ANKS1B: variants seen among roughly 807,000 people sequenced by gnomAD.
The protein encoded by ANKS1B is ankyrin repeat and sterile alpha motif domain containing 1B, also known as ankyrin repeat and sterile alpha motif domain-containing protein 1B.
In ANKS1B, 36 loss-of-function variants were observed where a neutral mutation model predicts 148.3. The ratio of observed to expected loss-of-function variants is 0.24; its 90% confidence interval spans 0.19 to 0.32. The LOEUF (loss-of-function observed/expected upper bound fraction) is 0.32. ANKS1B is among the 10% of genes least tolerant of loss of function. The pLI, the probability that ANKS1B is intolerant of heterozygous loss-of-function variation, is 1.00. For missense variants in ANKS1B, 1,157 were observed against 1,542.6 expected (o/e 0.75, Z 4.19); for synonymous variants, 542 against 560.8 (o/e 0.97, Z 0.47).
At chr12:99,973,038 T>C (rs1052656068) in intron 1 of ANKS1B, among the ~76,000 whole-genome samples, 2 of 152,206 alleles carry the variant, frequency 1.3e-5, no homozygotes, top group Non-Finnish European at 2.9e-5. Flanking sequence ...AGCCCAATGT[T>C]GAGACCTACC....
intron 8 of ANKS1B, among the ~76,000 whole-genome samples, chr12:99,721,475 T>C (rs2058077601): frequency 6.6e-6 from 1 of 152,150 alleles, no homozygotes; most frequent in African/African-American, 2.4e-5. Flanking sequence ...TGACATTGTC[T>C]TGTGAAATTC....
chr12:98,873,765 C>T (rs1286497655), intron 17 of ANKS1B, among the ~76,000 whole-genome samples: 2 of 152,188 alleles, frequency 1.3e-5, no homozygotes, highest in Non-Finnish European at 2.9e-5. Flanking sequence ...AGACAGTCGT[C>T]GTCCTAGAGG....
intron 8 of ANKS1B, among the ~76,000 whole-genome samples, chr12:99,723,352 G>T (rs762995801): frequency 6.6e-6 from 1 of 152,142 alleles, no homozygotes; most frequent in Non-Finnish European, 1.5e-5. Context: ...GGGGTCCCCC[G>T]CAGCACAACA....
At chr12:99,467,746 C>T (rs2096152271) in intron 10 of ANKS1B, among the ~76,000 whole-genome samples, 1 of 152,074 alleles carries the variant, frequency 6.6e-6, no homozygotes, top group Admixed American at 6.5e-5. Context: ...CATGAAGGAC[C>T]TCTTCAAGGA....
intron 12 of ANKS1B, among the ~76,000 whole-genome samples, chr12:99,365,960 T>C (rs2092742638): frequency 6.6e-6 from 1 of 152,262 alleles, no homozygotes; most frequent in Non-Finnish European, 1.5e-5. Context: ...AACAATTTTT[T>C]ACATCCTTTA....
At chr12:99,678,243 A>G (rs545680290) in intron 8 of ANKS1B, among the ~76,000 whole-genome samples, 2 of 152,310 alleles carry the variant, frequency 1.3e-5, no homozygotes, top group East Asian at 3.9e-4. Flanking sequence ...TTACAAAATG[A>G]TACAAATCGT....
At chr12:99,481,321 C>T (rs2096406994) in intron 10 of ANKS1B, among the ~76,000 whole-genome samples, 1 of 151,838 alleles carries the variant, frequency 6.6e-6, no homozygotes, top group South Asian at 2.1e-4. Context: ...GAATAATGGC[C>T]TCTAGCTTCA....
At chr12:99,245,616 C>T (rs1264139171) in intron 13 of ANKS1B, among the ~76,000 whole-genome samples, 1 of 152,216 alleles carries the variant, frequency 6.6e-6, no homozygotes, top group Non-Finnish European at 1.5e-5. Flanking sequence ...TATTGTGCTT[C>T]TAAACCTAAT....
At chr12:99,713,787 G>A (rs1483676045) in intron 8 of ANKS1B, among the ~76,000 whole-genome samples, 2 of 151,988 alleles carry the variant, frequency 1.3e-5, no homozygotes, top group Non-Finnish European at 2.9e-5. Context: ...ATTTCCACTA[G>A]CAATCTGTTC....
In ANKS1B at chr12:99,782,230, T is replaced by C. The variant is rs1293526004; in HGVS notation, c.670-133A>G. 5.5e-6 allele frequency: 4 copies of C among 723,836 alleles called. No individual in the cohort carries two copies. The South Asian group carries it at 5.6e-5, about 10-fold the overall frequency. The allele number at this position is 723,836 out of a possible 1,614,324, so 44.8% of individuals were successfully genotyped here. On this transcript the variant is annotated intron_variant, in intron 4 of 26. Coordinates refer to ENST00000683438, the MANE Select transcript of ANKS1B (RefSeq NM_001352186.2). ...TCAGCTCTCCCTAACAGAAAGGTCA[T>C]GTGGAATAAAGAAGAGATTCTAAAA...
chr12:99,532,180 T>C (rs558997791), intron 9 of ANKS1B, among the ~76,000 whole-genome samples: 1 of 152,352 alleles, frequency 6.6e-6, no homozygotes, highest in East Asian at 1.9e-4. Flanking sequence ...TCTTTTGCAG[T>C]GCAGAAGCTT....
chr12:98,934,463 C>T (rs1177480025), intron 17 of ANKS1B, among the ~76,000 whole-genome samples: 1 of 151,928 alleles, frequency 6.6e-6, no homozygotes, highest in Non-Finnish European at 1.5e-5. Context: ...TCAAGATTGA[C>T]TTGGCTAAGA....
At chr12:99,904,144 C>T (rs778999385) in intron 1 of ANKS1B, among the ~76,000 whole-genome samples, 25 of 151,932 alleles carry the variant, frequency 1.6e-4, no homozygotes, top group Non-Finnish European at 3.1e-4. Context: ...CCTTAATTTA[C>T]CTAAAAACAT....
chr12:99,732,092 T>A (rs372681437), intron 8 of ANKS1B, among the ~76,000 whole-genome samples: 2 of 152,208 alleles, frequency 1.3e-5, no homozygotes, highest in East Asian at 1.9e-4. Flanking sequence ...GAAATGCAAA[T>A]TAAAAACATA....
intron 17 of ANKS1B, among the ~76,000 whole-genome samples, chr12:99,042,148 A>G (rs1376991545): frequency 6.6e-6 from 1 of 152,148 alleles, no homozygotes; most frequent in East Asian, 1.9e-4. Context: ...CAAGCTATTT[A>G]CCGTGTGATT....
At chr12:99,485,631 A>C (rs978662368) in intron 10 of ANKS1B, among the ~76,000 whole-genome samples, 5 of 152,078 alleles carry the variant, frequency 3.3e-5, no homozygotes, top group East Asian at 1.9e-4. Flanking sequence ...TCCAGACTTA[A>C]TATTTTCTCT....
At chr12:99,762,341 AGAAAC>A (rs2153609171) in intron 8 of ANKS1B, among the ~76,000 whole-genome samples, 2 of 120,710 alleles carry the variant, frequency 1.7e-5, no homozygotes, top group East Asian at 6.1e-4. Context: ...GTACAAAAAC[AGAAAC>A]ATAGAACAAA....
chr12:99,443,099 G>C (rs2095577287), intron 11 of ANKS1B, among the ~76,000 whole-genome samples: 1 of 151,832 alleles, frequency 6.6e-6, no homozygotes, highest in Admixed American at 6.6e-5. Flanking sequence ...AGAGAAGGGA[G>C]AAAAGAGAGA....
intron 14 of ANKS1B, among the ~76,000 whole-genome samples, chr12:99,171,216 G>A (rs147801065): frequency 6.6e-6 from 1 of 152,206 alleles, no homozygotes; most frequent in East Asian, 1.9e-4. Context: ...TCCAATCCTA[G>A]GTGTCCTCTG....
Sources: allele counts gnomAD v4.1 joint callset (sites outside exome capture counted in the v4.1 genomes callset), GRCh38; gene constraint gnomAD v4.1.1; transcripts MANE v1.5; gene names NCBI Gene and HGNC (gene_info 2026-07-23, HGNC 2026-07-21).